Variants in XRN1 observed in about 807,000 individuals in gnomAD.
XRN1 encodes 5'-3' exoribonuclease 1, also known as strand-exchange protein 1 homolog.
XRN1 carries 67 observed loss-of-function variants against 222.3 expected under a neutral mutation model. The observed-to-expected ratio is 0.30, with a 90% CI of 0.25 to 0.37. XRN1 has a LOEUF of 0.37. XRN1 is among the 10% of genes least tolerant of loss of function. The pLI, the probability that XRN1 is intolerant of heterozygous loss-of-function variation, is 1.00. For synonymous variants in XRN1, 643 were observed against 652.4 expected (o/e 0.99, Z 0.22); for missense variants, 1,707 against 2,000.2 (o/e 0.85, Z 2.80).
At position 142,371,271 on chromosome 3, in the gene XRN1, T is replaced by C; in HGVS notation, c.3036A>G (p.Glu1012=). The change falls in exon 26 of 41, where the codon GAA becomes GAG. Residue 1012 remains glutamate, a synonymous_variant. Transcript: ENST00000392981. Reference sequence around the variant, plus strand: ...CATTTTCTCCAGGCCAAATGTCATCTTCATAGAACACATCCTCTTGGCTAT... The same window carrying C: ...CATTTTCTCCAGGCCAAATGTCATCCTCATAGAACACATCCTCTTGGCTAT... The part of the protein sequence containing the change: ...AKNSQEDVFY[E]DDIWPGENEN... The C allele has an allele frequency of 6.2e-7, 1 of 1,613,540 alleles. No individual in the cohort carries two copies. Among genetic ancestry groups the C allele is most frequent in the Non-Finnish European group, 8.5e-7 (1 of 1,179,896 alleles).
At chr3:142,420,081 T>C (rs900337758) in intron 10 of XRN1, 3 of 152,212 alleles carry the variant, frequency 2.0e-5, no homozygotes, top group Non-Finnish European at 4.4e-5. Flanking sequence ...ATGTAAATCA[T>C]TTCTAGAGAA....
At chr3:142,446,737 G>GA (rs985278658) in intron 1 of XRN1, among the ~76,000 whole-genome samples, 43 of 151,892 alleles carry the variant, frequency 2.8e-4, no homozygotes, top group African/African-American at 1.0e-3. Context: ...CTCCCCGGGG[G>GA]AAAAAAATAC....
At chr3:142,444,275 T>G (rs2070392444) in intron 1 of XRN1, among the ~76,000 whole-genome samples, 1 of 152,142 alleles carries the variant, frequency 6.6e-6, no homozygotes, top group African/African-American at 2.4e-5. Context: ...CAAAAACCCA[T>G]CTCTATTTTT....
rs1422381088 is a variant in XRN1 at position 142,422,696 on chromosome 3, T to C, written c.853A>G (p.Met285Val). The change falls in exon 8 of 41, where the codon ATG (methionine) becomes GTG (valine). Residue 285 changes from methionine to valine, a missense_variant. By Grantham distance (21) the Met-to-Val change is conservative (BLOSUM62 1). Coordinates refer to ENST00000392981, the MANE Select transcript of XRN1 (RefSeq NM_001282857.2). ...IERIIDDWIL[M>V]GFLVGNDFIP... ...AAATCATTACCAACAAGAAACCCCATCAAAATCCAATCATCTATTATCCTT... is the reference window on the plus strand; with the variant it reads ...AAATCATTACCAACAAGAAACCCCACCAAAATCCAATCATCTATTATCCTT... The C allele has an allele frequency of 6.2e-7, 1 of 1,612,362 alleles. No individual in the cohort carries two copies. Among genetic ancestry groups the C allele is most frequent in the Non-Finnish European group, 8.5e-7 (1 of 1,178,582 alleles).
At chr3:142,408,256 C>T (rs1298527100) in intron 15 of XRN1, among the ~76,000 whole-genome samples, 1 of 152,224 alleles carries the variant, frequency 6.6e-6, no homozygotes, top group African/African-American at 2.4e-5. Context: ...GAGTAATGCA[C>T]ATAGGCCTGG....
At chr3:142,321,577 C>T (rs1046981215) in intron 37 of XRN1, among the ~76,000 whole-genome samples, 2 of 152,128 alleles carry the variant, frequency 1.3e-5, no homozygotes, top group South Asian at 2.1e-4. Context: ...GAGATCATAA[C>T]AATATTAAGT....
chr3:142,323,297 T>TG (rs1209224167), intron 37 of XRN1, among the ~76,000 whole-genome samples: 2 of 151,718 alleles, frequency 1.3e-5, no homozygotes, highest in Non-Finnish European at 2.9e-5. Flanking sequence ...TTTTTTTGTT[T>TG]TTTTTTTTTA....
At chr3:142,401,103 A>C (rs2068112240) in intron 18 of XRN1, among the ~76,000 whole-genome samples, 1 of 152,182 alleles carries the variant, frequency 6.6e-6, no homozygotes, top group African/African-American at 2.4e-5. Context: ...CATATCAAAT[A>C]GTCAATTATT....
intron 32 of XRN1, 137 bp from the exon 33 acceptor site, chr3:142,347,479 A>C (rs1234711449): frequency 3.8e-6 from 2 of 532,724 alleles, no homozygotes; most frequent in Non-Finnish European, 3.0e-6. Flanking sequence ...AAGTATAGAG[A>C]CTTTTAAAGC....
intron 33 of XRN1, 85 bp downstream of exon 33, chr3:142,347,149 G>T: frequency 1.0e-6 from 1 of 957,114 alleles, no homozygotes; most frequent in Non-Finnish European, 1.6e-6. Flanking sequence ...TTTACTTTAT[G>T]GTATGTAAAT....
intron 12 of XRN1, 125 bp from the exon 13 acceptor site, chr3:142,417,354 A>T: frequency 1.4e-6 from 1 of 727,170 alleles, no homozygotes; most frequent in Middle Eastern, 4.3e-4. Context: ...TTAGCTATTT[A>T]TGGCTAAAAA....
At chr3:142,365,015 C>T (rs745616719) in intron 29 of XRN1, 32 bp downstream of exon 29, 13 of 1,594,568 alleles carry the variant, frequency 8.2e-6, no homozygotes, top group South Asian at 5.8e-5. Flanking sequence ...ATATAAATTA[C>T]GTTGAAGACA....
chr3:142,400,432 A>G lies in XRN1; in HGVS notation c.2207+12T>C, dbSNP rs779708132. ...TATATGTTAGAAAAATTATAAATCAAATCTTACTTACTTAGTTTCTCCATC... is the reference window on the plus strand; with the variant it reads ...TATATGTTAGAAAAATTATAAATCAGATCTTACTTACTTAGTTTCTCCATC... On this transcript the variant is annotated intron_variant, in intron 19 of 40. Coordinates refer to ENST00000392981, the MANE Select transcript of XRN1 (RefSeq NM_001282857.2). The G allele has an allele frequency of 6.3e-7, 1 of 1,578,606 alleles. No individual in the cohort carries two copies. Among genetic ancestry groups the G allele is most frequent in the African/African-American group, 1.4e-5 (1 of 73,610 alleles).
At chr3:142,351,697 T>C (rs574796067) in intron 32 of XRN1, among the ~76,000 whole-genome samples, 1 of 152,064 alleles carries the variant, frequency 6.6e-6, no homozygotes, top group Non-Finnish European at 1.5e-5. Context: ...TTTTTTGCCT[T>C]ACTGCTTGAC....
At chr3:142,371,557 T>A (rs1372435795) in intron 25 of XRN1, among the ~76,000 whole-genome samples, 3 of 152,190 alleles carry the variant, frequency 2.0e-5, no homozygotes, top group Non-Finnish European at 2.9e-5. Context: ...CATAAACTTA[T>A]AATAAACTTC....
chr3:142,346,481 TC>T (rs1246335576), intron 33 of XRN1, among the ~76,000 whole-genome samples: 1 of 151,486 alleles, frequency 6.6e-6, no homozygotes, highest in Non-Finnish European at 1.5e-5. Context: ...GACACAATCA[TC>T]CTCTTTTTTT....
intron 10 of XRN1, chr3:142,420,140 C>T (rs1394684210): frequency 6.6e-6 from 1 of 151,942 alleles, no homozygotes; most frequent in African/African-American, 2.4e-5. Context: ...CTATAAATAT[C>T]CACATTTTAA....
chr3:142,347,751 T>C (rs1308650882), intron 32 of XRN1, among the ~76,000 whole-genome samples: 2 of 151,740 alleles, frequency 1.3e-5, no homozygotes, highest in South Asian at 2.1e-4. Context: ...GTGAGTACCA[T>C]CGTGCCTGGC....
chr3:142,378,745 A>C (rs1013963683), intron 23 of XRN1, among the ~76,000 whole-genome samples: 3 of 152,156 alleles, frequency 2.0e-5, no homozygotes, highest in African/African-American at 4.8e-5. Flanking sequence ...GTTTCTCAGA[A>C]TGGAAGGGCA....
Sources: allele counts gnomAD v4.1 joint callset (sites outside exome capture counted in the v4.1 genomes callset), GRCh38; gene constraint gnomAD v4.1.1; transcripts MANE v1.5; gene names NCBI Gene and HGNC (gene_info 2026-07-23, HGNC 2026-07-21).